NALF1: variants seen among roughly 807,000 people sequenced by gnomAD.
NALF1 encodes the protein NALCN channel auxiliary factor 1.
Under a neutral mutation model 48.4 loss-of-function variants are expected in NALF1, and 3 were observed. The ratio of observed to expected loss-of-function variants is 0.06; its 90% confidence interval spans 0.03 to 0.16. NALF1 has a LOEUF of 0.16. Ranked by LOEUF, NALF1 falls within the 10% of genes least tolerant of loss-of-function variation. NALF1 has a pLI of 1.00. For synonymous variants in NALF1, 262 were observed against 245.7 expected, an observed-to-expected ratio of 1.07 and a Z score of -0.62; for missense variants, 526 against 571.5, an observed-to-expected ratio of 0.92 and a Z score of 0.81.
In NALF1 at chr13:107,597,707, C is replaced by T. The variant is rs557940938; in HGVS notation, c.915+267975G>A. Among the ~76,000 whole-genome samples the T allele has an allele frequency of 7.3e-4, 111 of 152,050 alleles. 3 individuals are homozygous for T. The highest frequency in any genetic ancestry group is 8.1e-4 in the Non-Finnish European group (55 of 67,994). On this transcript the variant is annotated intron_variant, in intron 1 of 2. Coordinates refer to ENST00000375915, the MANE Select transcript of NALF1 (RefSeq NM_001080396.3). ...AACGACAGTAGAAACTTACTGAGACCAAACCTATGAATATCTAAATTTTAA... is the reference window on the plus strand; with the variant it reads ...AACGACAGTAGAAACTTACTGAGACTAAACCTATGAATATCTAAATTTTAA...
At chr13:107,831,358 A>C (rs548011607) in intron 1 of NALF1, among the ~76,000 whole-genome samples, 1 of 152,292 alleles carries the variant, frequency 6.6e-6, no homozygotes, top group South Asian at 2.1e-4. Flanking sequence ...AAGCCTCGGC[A>C]CTTAATAAGA....
intron 1 of NALF1, among the ~76,000 whole-genome samples, chr13:107,641,131 A>T (rs1880143985): frequency 6.6e-6 from 1 of 152,202 alleles, no homozygotes; most frequent in Non-Finnish European, 1.5e-5. Context: ...GGAGGTGATT[A>T]TGTTAAGTGA....
At chr13:107,576,769 T>C (rs1878164697) in intron 1 of NALF1, among the ~76,000 whole-genome samples, 2 of 152,154 alleles carry the variant, frequency 1.3e-5, no homozygotes, top group Admixed American at 6.5e-5. Flanking sequence ...TGGGATGCCA[T>C]GTATTAAAAA....
rs570985094 is a variant in NALF1 at position 107,453,028 on chromosome 13, A to G, written c.916-242273T>C. Among the ~76,000 whole-genome samples the G allele has an allele frequency of 2.0e-4, 31 of 152,314 alleles. No individual in the cohort carries two copies. The East Asian group carries it at 5.6e-3, about 28-fold the overall frequency. Reference sequence around the variant, plus strand: ...GAGGTGGGCTCCCACAACCTTGGACAGCTCCACTCCTTTGGCTTTGCATGG... The same window carrying G: ...GAGGTGGGCTCCCACAACCTTGGACGGCTCCACTCCTTTGGCTTTGCATGG... On this transcript the variant is annotated intron_variant, in intron 1 of 2. Transcript: ENST00000375915.
intron 1 of NALF1, among the ~76,000 whole-genome samples, chr13:107,773,012 T>A (rs1877621792): frequency 6.6e-6 from 1 of 152,216 alleles, no homozygotes; most frequent in African/African-American, 2.4e-5. Flanking sequence ...TTTGTTTTAT[T>A]TAAAGAAGAT....
intron 2 of NALF1, among the ~76,000 whole-genome samples, chr13:107,207,490 G>T (rs1209602177): frequency 6.6e-6 from 1 of 152,174 alleles, no homozygotes; most frequent in Admixed American, 6.5e-5. Flanking sequence ...CCACTCCACA[G>T]TTTAGCCAGT....
intron 1 of NALF1, among the ~76,000 whole-genome samples, chr13:107,667,996 A>G (rs1880902586): frequency 6.9e-6 from 1 of 144,404 alleles, no homozygotes; most frequent in Non-Finnish European, 1.5e-5. Flanking sequence ...TTTACAATGG[A>G]AAAATATGTG....
rs1879973506 is a variant in NALF1, at chr13:107,636,241, AC to A, written c.915+229440del. 7.9e-5 allele frequency among the ~76,000 whole-genome samples: 12 copies of A among 152,240 alleles called. No homozygotes were observed. The South Asian group carries it at 2.3e-3, about 29-fold the overall frequency. ...ACACGGCCGAATTATTGAATCCATT[AC>A]CCAGAATAACTTGATCAAAACCAAA... On this transcript the variant is annotated intron_variant, in intron 1 of 2. Coordinates refer to ENST00000375915, the MANE Select transcript of NALF1 (RefSeq NM_001080396.3).
intron 1 of NALF1, among the ~76,000 whole-genome samples, chr13:107,367,601 C>T (rs566914676): frequency 2.6e-5 from 4 of 152,316 alleles, no homozygotes; most frequent in South Asian, 2.1e-4. Context: ...GCAGCTTCAC[C>T]GGGAGCCTCG....
chr13:107,204,469 G>A (rs1048027202), intron 2 of NALF1, among the ~76,000 whole-genome samples: 1 of 152,202 alleles, frequency 6.6e-6, no homozygotes, highest in Admixed American at 6.5e-5. Context: ...GCTACTGGCA[G>A]AATCCAGACA....
intron 1 of NALF1, among the ~76,000 whole-genome samples, chr13:107,216,690 C>T (rs1327780158): frequency 3.3e-5 from 5 of 152,138 alleles, no homozygotes; most frequent in Non-Finnish European, 7.4e-5. Flanking sequence ...TTGGCTCTGT[C>T]CCACATTTCC....
chr13:107,598,768 T>C (rs1011844856), intron 1 of NALF1, among the ~76,000 whole-genome samples: 6 of 152,184 alleles, frequency 3.9e-5, no homozygotes, highest in Non-Finnish European at 8.8e-5. Context: ...AGCATCATTT[T>C]ATAAGAGAAG....
At chr13:107,629,861 T>A (rs1049999511) in intron 1 of NALF1, among the ~76,000 whole-genome samples, 1 of 152,212 alleles carries the variant, frequency 6.6e-6, no homozygotes, top group South Asian at 2.1e-4. Flanking sequence ...ATTTTCTTTC[T>A]GTTTTCAATG....
intron 1 of NALF1, among the ~76,000 whole-genome samples, chr13:107,232,261 T>C (rs912887357): frequency 6.6e-6 from 1 of 152,138 alleles, no homozygotes; most frequent in Admixed American, 6.5e-5. Context: ...GATGTACAAA[T>C]GGGAAGTTCA....
intron 1 of NALF1, among the ~76,000 whole-genome samples, chr13:107,381,337 A>C (rs2138974251): frequency 6.6e-6 from 1 of 151,518 alleles, no homozygotes; most frequent in East Asian, 2.0e-4. Flanking sequence ...AGTAGCTGGG[A>C]CCACTGGCAT....
intron 1 of NALF1, among the ~76,000 whole-genome samples, chr13:107,364,204 A>G (rs894386164): frequency 6.6e-6 from 1 of 152,256 alleles, no homozygotes; most frequent in Non-Finnish European, 1.5e-5. Flanking sequence ...ATGTCCATTC[A>G]GGCATTCAAA....
intron 1 of NALF1, among the ~76,000 whole-genome samples, chr13:107,427,173 G>T (rs1420914412): frequency 6.6e-6 from 1 of 151,500 alleles, no homozygotes; most frequent in Non-Finnish European, 1.5e-5. Context: ...AAGTAGATAA[G>T]TACACAGAAA....
chr13:107,616,447 A>C (rs547407352), intron 1 of NALF1, among the ~76,000 whole-genome samples: 2 of 152,330 alleles, frequency 1.3e-5, no homozygotes, highest in African/African-American at 4.8e-5. Flanking sequence ...TTGTAAGCAG[A>C]ACTTATTTTT....
intron 1 of NALF1, among the ~76,000 whole-genome samples, chr13:107,641,141 A>T (rs1880144413): frequency 6.6e-6 from 1 of 152,194 alleles, no homozygotes. Flanking sequence ...ATGTTAAGTG[A>T]ACTATTTTAA....
Sources: allele counts gnomAD v4.1 joint callset (sites outside exome capture counted in the v4.1 genomes callset), GRCh38; gene constraint gnomAD v4.1.1; transcripts MANE v1.5; gene names NCBI Gene and HGNC (gene_info 2026-07-23, HGNC 2026-07-21).